CMC1: variants seen among roughly 807,000 people sequenced by gnomAD.
CMC1 encodes COX assembly mitochondrial protein homolog.
CMC1 carries 14 observed loss-of-function variants against 14.1 expected under a neutral mutation model. The ratio of observed to expected loss-of-function variants is 0.99; its 90% CI spans 0.66 to 1.55. The LOEUF is 1.55. Among genes scored for constraint, CMC1 ranks in the 40% most tolerant of loss-of-function variants. CMC1 has a pLI of 0.00. For synonymous variants in CMC1, 50 were observed against 38.4 expected, an observed-to-expected ratio of 1.30 and a Z score of -1.12; for missense variants, 127 against 123.8, an observed-to-expected ratio of 1.03 and a Z score of -0.12.
At chr3:28,259,317 A>G (rs1699602426) in intron 1 of CMC1, among the ~76,000 whole-genome samples, 1 of 152,088 alleles carries the variant, frequency 6.6e-6, no homozygotes, top group Non-Finnish European at 1.5e-5. Flanking sequence ...GGAGACAGAA[A>G]TATTACTCTC....
chr3:28,316,924 C>T (rs1468755462), intron 3 of CMC1: 1 of 151,986 alleles, frequency 6.6e-6, no homozygotes, highest in Non-Finnish European at 1.5e-5. Context: ...ATCGTGTTCA[C>T]TAATATTTTG....
At position 28,316,405 on chromosome 3, in the gene CMC1, A is replaced by C. The variant is rs759719927; in HGVS notation, c.182A>C (p.Lys61Thr). The C allele has an allele frequency of 6.3e-7, 1 of 1,593,542 alleles. No homozygotes were observed. The highest frequency in any genetic ancestry group is 1.8e-5 in the Admixed American group (1 of 57,122). Residue 61 changes from lysine (K) to threonine (T), a missense_variant, in exon 3 of 4, where the codon AAA becomes ACA. Physicochemically the swap from Lys to Thr is moderately conservative, Grantham distance 78. Transcript: ENST00000466830. Reference sequence around the variant, plus strand: ...TGCCGGAAAGAAAATTCTGCATTGAAAGAATGTCTAACTGCTTAGTAAGTA... The same window carrying C: ...TGCCGGAAAGAAAATTCTGCATTGACAGAATGTCTAACTGCTTAGTAAGTA... ...VKCRKENSAL[K>T]ECLTAYYNDP...
At chr3:28,300,741 C>T in intron 2 of CMC1, among the ~76,000 whole-genome samples, 1 of 141,652 alleles carries the variant, frequency 7.1e-6, no homozygotes, top group Non-Finnish European at 1.5e-5. Flanking sequence ...TCCCTGCCTT[C>T]CTTCCTTCCT....
intron 2 of CMC1, among the ~76,000 whole-genome samples, chr3:28,283,523 GCAACAACAACAA>G (rs772181418): frequency 2.0e-4 from 24 of 118,418 alleles, no homozygotes; most frequent in Admixed American, 3.9e-4. Flanking sequence ...CATCTCAACA[GCAACAACAACAA>G]CAACAACAAC....
At chr3:28,296,582 GT>G (rs1298291930) in intron 2 of CMC1, among the ~76,000 whole-genome samples, 2 of 151,480 alleles carry the variant, frequency 1.3e-5, no homozygotes, top group African/African-American at 4.8e-5. Flanking sequence ...ACTTTCTTTT[GT>G]TTTCATAACA....
intron 1 of CMC1, among the ~76,000 whole-genome samples, chr3:28,254,379 T>C (rs1019302182): frequency 6.6e-6 from 1 of 152,076 alleles, no homozygotes; most frequent in African/African-American, 2.4e-5. Flanking sequence ...AGTGGGAAAA[T>C]CTTTAGTAGA....
At chr3:28,316,146 G>A (rs185842918) in intron 2 of CMC1, 187 bp from the exon 3 acceptor site, 62 of 401,546 alleles carry the variant, frequency 1.5e-4, no homozygotes, top group African/African-American at 1.2e-3. Context: ...TGTTGAGCAC[G>A]GTACCATGTG....
intron 2 of CMC1, among the ~76,000 whole-genome samples, chr3:28,302,121 A>G (rs1559437946): frequency 6.6e-6 from 1 of 152,174 alleles, no homozygotes; most frequent in Non-Finnish European, 1.5e-5. Flanking sequence ...GTAGTATTTA[A>G]TGGTCACTGT....
intron 2 of CMC1, among the ~76,000 whole-genome samples, chr3:28,267,181 A>G (rs1700047056): frequency 6.6e-6 from 1 of 152,094 alleles, no homozygotes. Flanking sequence ...TATTTAAAAA[A>G]TATTGTTTGC....
chr3:28,284,523 C>T (rs1352086044), intron 2 of CMC1, among the ~76,000 whole-genome samples: 1 of 151,788 alleles, frequency 6.6e-6, no homozygotes, highest in African/African-American at 2.4e-5. Context: ...CATTTTTTTT[C>T]CCAAAGCTTT....
chr3:28,309,722 T>C (rs1702521552), intron 2 of CMC1, among the ~76,000 whole-genome samples: 1 of 151,966 alleles, frequency 6.6e-6, no homozygotes, highest in Admixed American at 6.6e-5. Context: ...TGCAAACCCT[T>C]TTGAGGATTT....
intron 2 of CMC1, among the ~76,000 whole-genome samples, chr3:28,306,566 A>G (rs1339770383): frequency 6.6e-6 from 1 of 152,092 alleles, no homozygotes; most frequent in Non-Finnish European, 1.5e-5. Context: ...TCAATGCAGT[A>G]GTCTTTTAGA....
chr3:28,313,600 GT>G (rs1358382566), intron 2 of CMC1, among the ~76,000 whole-genome samples: 1 of 152,136 alleles, frequency 6.6e-6, no homozygotes, highest in Non-Finnish European at 1.5e-5. Flanking sequence ...TTAAAATCTT[GT>G]TGCTAAACAA....
At chr3:28,247,896 C>G (rs1189109265) in intron 1 of CMC1, among the ~76,000 whole-genome samples, 4 of 152,042 alleles carry the variant, frequency 2.6e-5, no homozygotes, top group African/African-American at 9.7e-5. Context: ...GCTGTTCTCT[C>G]TAGAATTTCT....
At chr3:28,279,755 A>G (rs1179009877) in intron 2 of CMC1, among the ~76,000 whole-genome samples, 1 of 152,186 alleles carries the variant, frequency 6.6e-6, no homozygotes, top group Non-Finnish European at 1.5e-5. Flanking sequence ...AGGGGAAAAA[A>G]AAAGATTTAA....
At chr3:28,258,060 TTATA>T (rs56153777) in intron 1 of CMC1, among the ~76,000 whole-genome samples, 80 of 135,434 alleles carry the variant, frequency 5.9e-4, no homozygotes, top group African/African-American at 2.0e-3. Context: ...TTGAGCACCT[TTATA>T]TATATATATA....
At chr3:28,304,716 A>C (rs146793309) in intron 2 of CMC1, among the ~76,000 whole-genome samples, 8 of 152,286 alleles carry the variant, frequency 5.3e-5, no homozygotes, top group Non-Finnish European at 1.0e-4. Flanking sequence ...TAGAAGAATG[A>C]AGACAATGAC....
intron 2 of CMC1, among the ~76,000 whole-genome samples, chr3:28,301,610 A>G (rs1702051692): frequency 1.3e-5 from 2 of 151,478 alleles, no homozygotes; most frequent in African/African-American, 4.9e-5. Flanking sequence ...TGGAGAATTT[A>G]CTGTCCTTAT....
At position 28,324,374 on chromosome 3, in the gene CMC1, T is replaced by C. The variant is rs182611602; in HGVS notation, c.*4745T>C. ...TTTGGTAAGAGAGGGGGATGTCTTG[T>C]GTATGTTGCAGTAAAATTCATCAAG... On this transcript the variant is annotated 3_prime_UTR_variant, in exon 4 of 4. Coordinates refer to ENST00000466830, the MANE Select transcript of CMC1 (RefSeq NM_182523.2). 2.0e-5 allele frequency: 31 copies of C among 1,576,508 alleles called. No homozygotes were observed. The African/African-American group carries it at 3.8e-4, about 19-fold the overall frequency.
Sources: allele counts gnomAD v4.1 joint callset (sites outside exome capture counted in the v4.1 genomes callset), GRCh38; gene constraint gnomAD v4.1.1; transcripts MANE v1.5; gene names NCBI Gene and HGNC (gene_info 2026-07-23, HGNC 2026-07-21).